NFATC3: variants seen among roughly 807,000 people sequenced by gnomAD.
NFATC3 encodes nuclear factor of activated T cells 3.
Under a neutral mutation model 98.6 loss-of-function variants are expected in NFATC3, and 46 were observed. The observed-to-expected ratio is 0.47, with a 90% CI of 0.37 to 0.60. The LOEUF is 0.60. NFATC3 is among the 20% of genes least tolerant of loss of function. NFATC3 has a pLI of 0.00. For synonymous variants in NFATC3, 512 were observed against 472.2 expected (o/e 1.08, Z -1.09); for missense variants, 1,256 against 1,295.5 (o/e 0.97, Z 0.47).
chr16:68,145,710 G>C (rs1195659873), intron 3 of NFATC3, among the ~76,000 whole-genome samples: 1 of 152,148 alleles, frequency 6.6e-6, no homozygotes, highest in Admixed American at 6.5e-5. Context: ...CAGGTTGAGG[G>C]GTGCAAATAT....
rs531279100 is a variant in NFATC3 at position 68,085,671 on chromosome 16, G to T, written c.-11G>T. On this transcript the variant is annotated 5_prime_UTR_variant, in exon 1 of 10. Transcript: ENST00000346183. ...GCCTGAGGAGGAGCTGCAGCACCCT[G>T]GGCCACGCCGATGACTACTGCAAAC... is the stretch of plus-strand genomic sequence containing the variant. 1.3e-6 allele frequency: 2 copies of T among 1,511,466 alleles called. No homozygotes were observed. The allele number at this position is 1,511,466 out of a possible 1,614,324, so 93.6% of individuals were successfully genotyped here.
chr16:68,184,236 TAAAG>T (rs2040073527), intron 8 of NFATC3, among the ~76,000 whole-genome samples: 1 of 151,986 alleles, frequency 6.6e-6, no homozygotes, highest in Non-Finnish European at 1.5e-5. Flanking sequence ...TCAGTGATGA[TAAAG>T]AATATCAGGT....
chr16:68,123,709 CTATT>C (rs2036670904), intron 2 of NFATC3, among the ~76,000 whole-genome samples: 1 of 151,530 alleles, frequency 6.6e-6, no homozygotes, highest in Admixed American at 6.6e-5. Flanking sequence ...ACTAAGAAAA[CTATT>C]TGGGGGCCAG....
At position 68,169,538 on chromosome 16, in the gene NFATC3, C is replaced by T. The variant is rs182906400; in HGVS notation, c.1774+2523C>T. The stretch of plus-strand genomic sequence containing the variant: ...AAAGTGCTGGGATTACAGGCTTGAG[C>T]CACCATGCTCGGCTGGCAAAGTAAT... On this transcript the variant is annotated intron_variant, in intron 5 of 9. Coordinates refer to ENST00000346183, the MANE Select transcript of NFATC3 (RefSeq NM_173165.3). Among the ~76,000 whole-genome samples the T allele has an allele frequency of 5.9e-3, 892 of 152,268 alleles. 10 individuals carry two copies. The highest frequency in any genetic ancestry group is 0.021 in the African/African-American group (865 of 41,548).
chr16:68,109,282 A>C (rs1016675204), intron 1 of NFATC3, among the ~76,000 whole-genome samples: 12 of 152,256 alleles, frequency 7.9e-5, no homozygotes, highest in African/African-American at 2.9e-4. Flanking sequence ...TTTTAACATG[A>C]AGTGATGTTG....
At chr16:68,182,279 T>A (rs982437398) in intron 7 of NFATC3, among the ~76,000 whole-genome samples, 1 of 152,220 alleles carries the variant, frequency 6.6e-6, no homozygotes, top group African/African-American at 2.4e-5. Flanking sequence ...TTAAGCTTTC[T>A]AGGATTCTAC....
chr16:68,204,475 G>T (rs1397128889), intron 9 of NFATC3, among the ~76,000 whole-genome samples: 1 of 152,194 alleles, frequency 6.6e-6, no homozygotes, highest in Non-Finnish European at 1.5e-5. Flanking sequence ...TTGCAATCAT[G>T]TGTGAAATGT....
intron 9 of NFATC3, among the ~76,000 whole-genome samples, chr16:68,214,920 G>C (rs1183107382): frequency 6.6e-6 from 1 of 152,100 alleles, no homozygotes; most frequent in African/African-American, 2.4e-5. Context: ...GCTCTACTTG[G>C]AAGAAAGCTG....
intron 1 of NFATC3, among the ~76,000 whole-genome samples, chr16:68,098,271 C>CTATTATTAT (rs1314480778): frequency 7.3e-5 from 9 of 123,596 alleles, no homozygotes; most frequent in South Asian, 2.5e-4. Context: ...AACTTTTTGT[C>CTATTATTAT]TATTATTATT....
At chr16:68,106,767 T>G (rs2035683213) in intron 1 of NFATC3, among the ~76,000 whole-genome samples, 1 of 151,952 alleles carries the variant, frequency 6.6e-6, no homozygotes, top group South Asian at 2.1e-4. Context: ...TAATTTAATT[T>G]TAAGTTCTTG....
intron 6 of NFATC3, among the ~76,000 whole-genome samples, chr16:68,177,844 T>C (rs1453168080): frequency 6.6e-6 from 1 of 152,072 alleles, no homozygotes; most frequent in Non-Finnish European, 1.5e-5. Flanking sequence ...ATCCACCCTC[T>C]CAAAAAAGTA....
At chr16:68,126,132 C>T (rs1272400536) in intron 2 of NFATC3, among the ~76,000 whole-genome samples, 1 of 152,140 alleles carries the variant, frequency 6.6e-6, no homozygotes, top group Non-Finnish European at 1.5e-5. Context: ...AATCTGCCCA[C>T]CTCGGCCTCC....
At chr16:68,192,896 C>T (rs1483054307) in intron 9 of NFATC3, among the ~76,000 whole-genome samples, 2 of 152,044 alleles carry the variant, frequency 1.3e-5, no homozygotes, top group African/African-American at 4.8e-5. Context: ...AGATATGTAA[C>T]AGATTTCACA....
intron 6 of NFATC3, among the ~76,000 whole-genome samples, chr16:68,180,957 A>G (rs984706103): frequency 3.3e-5 from 5 of 152,222 alleles, no homozygotes; most frequent in Admixed American, 1.3e-4. Context: ...TAGTGCCACA[A>G]TAAACATATG....
Position 68,183,513 on chromosome 16 carries a change from A to T in NFATC3, c.2098+147A>T, listed in dbSNP as rs1567537932. ...GATGCCCACTCTAAAGTTTTTGTTG[A>T]CTTTAAATATTAGATGTGGTCTCAG... On this transcript the variant is annotated intron_variant, in intron 8 of 9. Transcript: ENST00000346183. The T allele has an allele frequency of 1.6e-5, 12 of 765,098 alleles. 1 individual carries two copies. The Middle Eastern group carries it at 1.1e-3, about 73-fold the overall frequency. 47.4% of individuals were successfully genotyped at this position (765,098 alleles called of 1,614,324 possible). A position where few individuals can be genotyped will look rare whatever the true frequency, so the allele number is the denominator to read the frequency against.
intron 3 of NFATC3, among the ~76,000 whole-genome samples, chr16:68,147,994 TGATTTATTTAG>T (rs1002953392): frequency 1.3e-5 from 2 of 152,072 alleles, no homozygotes; most frequent in Non-Finnish European, 2.9e-5. Context: ...TTTTAGCTAT[TGATTTATTTAG>T]GATTTATTTA....
chr16:68,110,755 A>T (rs2035904648), intron 1 of NFATC3, among the ~76,000 whole-genome samples: 1 of 151,806 alleles, frequency 6.6e-6, no homozygotes, highest in Non-Finnish European at 1.5e-5. Flanking sequence ...TAGGATGTCG[A>T]TTTGAGTTTT....
chr16:68,145,133 CTT>C (rs111691786), intron 3 of NFATC3, among the ~76,000 whole-genome samples: 46 of 139,746 alleles, frequency 3.3e-4, no homozygotes, highest in Admixed American at 5.1e-4. Flanking sequence ...TTCTCTCTCT[CTT>C]TTTTTTTTTT....
At chr16:68,221,721 T>G in intron 9 of NFATC3, 1 of 521,798 alleles carries the variant, frequency 1.9e-6, no homozygotes. Context: ...GACTTTAACA[T>G]AGTCTTAAAA....
Sources: gnomAD v4.1 joint callset for allele counts (sites outside exome capture counted in the v4.1 genomes callset) on GRCh38, gnomAD v4.1.1 for gene constraint, MANE v1.5 for transcripts, NCBI Gene and HGNC (gene_info 2026-07-23, HGNC 2026-07-21) for gene names.